Variants in CDIN1 observed in about 807,000 individuals in gnomAD.
CDIN1 encodes CDAN1-interacting nuclease 1.
In CDIN1, 33 loss-of-function variants were observed where a neutral mutation model predicts 45.3. The observed-to-expected ratio is 0.73, with a 90% CI of 0.55 to 0.97. The LOEUF (loss-of-function observed/expected upper bound fraction) is 0.97. Ranked by LOEUF, CDIN1 falls within the 50% of genes least tolerant of loss-of-function variation. The pLI is 0.00. For synonymous variants in CDIN1, 118 were observed against 124.4 expected, an observed-to-expected ratio of 0.95 and a Z score of 0.34; for missense variants, 303 against 339.4, an observed-to-expected ratio of 0.89 and a Z score of 0.84.
At chr15:36,631,703 T>C (rs1444156618) in intron 1 of CDIN1, among the ~76,000 whole-genome samples, 3 of 152,256 alleles carry the variant, frequency 2.0e-5, no homozygotes, top group African/African-American at 7.2e-5. Context: ...ATGTATAAAG[T>C]TGCTATGAGC....
At chr15:36,750,273 A>G (rs548271543) in intron 10 of CDIN1, among the ~76,000 whole-genome samples, 22 of 152,276 alleles carry the variant, frequency 1.4e-4, no homozygotes, top group Middle Eastern at 3.4e-3. Context: ...AAACAGTGCA[A>G]TTTTACTCTA....
chr15:36,626,392 A>G (rs1459432740), intron 1 of CDIN1, among the ~76,000 whole-genome samples: 2 of 152,036 alleles, frequency 1.3e-5, no homozygotes, highest in African/African-American at 4.8e-5. Flanking sequence ...TTTCTTAAAA[A>G]AAAAAAAAAT....
intron 10 of CDIN1, among the ~76,000 whole-genome samples, chr15:36,796,941 C>CTCTT (rs1253536565): frequency 5.9e-5 from 9 of 152,314 alleles, no homozygotes; most frequent in South Asian, 2.1e-4. Context: ...GCTATCATGA[C>CTCTT]TCTTTGAAGA....
intron 3 of CDIN1, among the ~76,000 whole-genome samples, chr15:36,648,427 A>ATTT (rs4008147): frequency 0.35 from 31,705 of 91,006 alleles, 8,545 homozygotes; most frequent in Admixed American, 0.41. Flanking sequence ...CCAATATTCT[A>ATTT]TTTTTTTTTT....
chr15:36,748,225 C>G (rs780923524), intron 10 of CDIN1, among the ~76,000 whole-genome samples: 1 of 152,168 alleles, frequency 6.6e-6, no homozygotes, highest in Non-Finnish European at 1.5e-5. Flanking sequence ...ACACATTTGA[C>G]AACAGGTAAC....
At chr15:36,685,330 G>C (rs1029263086) in intron 5 of CDIN1, among the ~76,000 whole-genome samples, 1 of 151,572 alleles carries the variant, frequency 6.6e-6, no homozygotes, top group Non-Finnish European at 1.5e-5. Context: ...CCTTCATTTC[G>C]TTATGTACCC....
intron 10 of CDIN1, among the ~76,000 whole-genome samples, chr15:36,722,985 G>GTGTT (rs111713255): frequency 0.04 from 4,791 of 119,134 alleles, 291 homozygotes; most frequent in African/African-American, 0.1. Flanking sequence ...GTGTGTGTGT[G>GTGTT]TTTCTCTCTC....
chr15:36,618,492 A>G, intron 1 of CDIN1: 2 of 1,223,298 alleles, frequency 1.6e-6, no homozygotes, highest in Non-Finnish European at 1.2e-6. Flanking sequence ...CAGCTGAATC[A>G]AAGCCTCCAA....
chr15:36,780,508 C>T (rs879867596), intron 10 of CDIN1, among the ~76,000 whole-genome samples: 2 of 152,190 alleles, frequency 1.3e-5, no homozygotes, highest in African/African-American at 4.8e-5. Context: ...TTTAGACACA[C>T]ACCTCCACCC....
intron 5 of CDIN1, among the ~76,000 whole-genome samples, chr15:36,665,812 T>C (rs2041227348): frequency 6.6e-6 from 1 of 152,218 alleles, no homozygotes; most frequent in African/African-American, 2.4e-5. Context: ...TTTTTTTCTG[T>C]TTAAAGAAAG....
At chr15:36,615,220 TGACAGCCTCTGC>T (rs1370998488) in intron 1 of CDIN1, among the ~76,000 whole-genome samples, 2 of 152,244 alleles carry the variant, frequency 1.3e-5, no homozygotes, top group Admixed American at 1.3e-4. Context: ...CATCTGGCTG[TGACAGCCTCTGC>T]AGTCCGTGGG....
At chr15:36,780,961 A>G (rs2054335959) in intron 10 of CDIN1, among the ~76,000 whole-genome samples, 2 of 152,320 alleles carry the variant, frequency 1.3e-5, no homozygotes, top group Admixed American at 6.5e-5. Flanking sequence ...CTTTCCACAT[A>G]TGCAACATTT....
intron 1 of CDIN1, among the ~76,000 whole-genome samples, chr15:36,631,031 A>T (rs1001630501): frequency 5.9e-5 from 9 of 152,240 alleles, no homozygotes; most frequent in African/African-American, 1.7e-4. Context: ...AGGTCAAGTA[A>T]ACCAAACTAT....
chr15:36,687,468 A>G (rs929733931), intron 5 of CDIN1, among the ~76,000 whole-genome samples: 2 of 152,204 alleles, frequency 1.3e-5, no homozygotes, highest in African/African-American at 4.8e-5. Context: ...ATCCAAAAGA[A>G]AAGTGTTGCA....
intron 10 of CDIN1, among the ~76,000 whole-genome samples, chr15:36,802,198 G>A (rs1186962379): frequency 6.6e-6 from 1 of 152,174 alleles, no homozygotes; most frequent in Non-Finnish European, 1.5e-5. Flanking sequence ...GTAAAATGAG[G>A]ATAGTCATAG....
In CDIN1 at chr15:36,716,596, G is replaced by A. The variant is rs530508003; in HGVS notation, c.716+6635G>A. Among the ~76,000 whole-genome samples, 5 of 152,240 alleles carry A rather than the reference G, an allele frequency of 3.3e-5. No homozygotes were observed. In the East Asian group the frequency reaches 9.6e-4, roughly 29 times the overall value. On this transcript the variant is annotated intron_variant, in intron 10 of 10. Transcript: ENST00000566621. ...TGCGGGTTGTTTTTAAAATATTGATGTTGGCTTTACCCTATTTTAATTGGT... is the reference window on the plus strand; with the variant it reads ...TGCGGGTTGTTTTTAAAATATTGATATTGGCTTTACCCTATTTTAATTGGT...
At chr15:36,678,843 C>T (rs1206621764) in intron 5 of CDIN1, among the ~76,000 whole-genome samples, 1 of 152,214 alleles carries the variant, frequency 6.6e-6, no homozygotes, top group East Asian at 1.9e-4. Flanking sequence ...GCAGATGTTT[C>T]ACCTGCTTGT....
intron 10 of CDIN1, among the ~76,000 whole-genome samples, chr15:36,771,701 A>C (rs1394294942): frequency 1.3e-5 from 2 of 152,186 alleles, no homozygotes; most frequent in Non-Finnish European, 2.9e-5. Flanking sequence ...AGGCCAAAGC[A>C]GGCAAATCAC....
intron 10 of CDIN1, among the ~76,000 whole-genome samples, chr15:36,740,069 T>TG (rs1314088903): frequency 2.0e-5 from 3 of 152,132 alleles, no homozygotes; most frequent in East Asian, 1.9e-4. Flanking sequence ...AAACAAAAGT[T>TG]GGGGGGTTGA....
Sources: allele counts gnomAD v4.1 joint callset (sites outside exome capture counted in the v4.1 genomes callset), GRCh38; gene constraint gnomAD v4.1.1; transcripts MANE v1.5; gene names NCBI Gene and HGNC (gene_info 2026-07-23, HGNC 2026-07-21).